Variants in ANKRD44 observed in about 807,000 individuals in gnomAD.
ANKRD44 encodes ankyrin repeat domain 44, also known as serine/threonine-protein phosphatase 6 regulatory ankyrin repeat subunit B.
ANKRD44 carries 35 observed loss-of-function variants against 116.0 expected under a neutral mutation model. The ratio of observed to expected loss-of-function variants is 0.30; its 90% CI spans 0.23 to 0.40. The LOEUF (loss-of-function observed/expected upper bound fraction) is 0.40. Ranked by LOEUF, ANKRD44 falls within the 10% of genes least tolerant of loss-of-function variation. ANKRD44 has a pLI of 1.00. For synonymous variants in ANKRD44, 435 were observed against 461.8 expected, an observed-to-expected ratio of 0.94 and a Z score of 0.74; for missense variants, 1,014 against 1,242.6, an observed-to-expected ratio of 0.82 and a Z score of 2.77.
intron 3 of ANKRD44, among the ~76,000 whole-genome samples, chr2:197,137,197 T>C (rs1196585060): frequency 6.6e-6 from 1 of 152,162 alleles, no homozygotes; most frequent in Non-Finnish European, 1.5e-5. Context: ...TTTAGGGGGT[T>C]CAGGGTTTTG....
chr2:197,246,375 T>TTTTTTTTG (rs1559181807), intron 1 of ANKRD44, among the ~76,000 whole-genome samples: 24 of 141,174 alleles, frequency 1.7e-4, no homozygotes, highest in East Asian at 4.0e-4. Context: ...TTTTTTTTTT[T>TTTTTTTTG]AGAGATGGGG....
At chr2:197,223,418 A>T (rs2081629195) in intron 1 of ANKRD44, among the ~76,000 whole-genome samples, 1 of 152,144 alleles carries the variant, frequency 6.6e-6, no homozygotes, top group Non-Finnish European at 1.5e-5. Context: ...TCTGAAACTC[A>T]CCTTTTCCAT....
At chr2:197,236,405 T>A (rs536369362) in intron 1 of ANKRD44, among the ~76,000 whole-genome samples, 1 of 152,028 alleles carries the variant, frequency 6.6e-6, no homozygotes, top group East Asian at 1.9e-4. Flanking sequence ...AATTAGCAAA[T>A]GGTAGAGCCC....
At chr2:196,986,578 A>G (rs193050754), downstream of ANKRD44, 616 of 422,566 alleles carry the variant, frequency 1.5e-3, no homozygotes, top group Non-Finnish European at 1.8e-3. Flanking sequence ...TTCTAAATTT[A>G]AAGTTAATTT....
At chr2:197,001,431 G>C (rs893979511) in intron 22 of ANKRD44, among the ~76,000 whole-genome samples, 1 of 152,138 alleles carries the variant, frequency 6.6e-6, no homozygotes. Flanking sequence ...TGTTGTCAAC[G>C]CTGACTTATT....
intron 2 of ANKRD44, among the ~76,000 whole-genome samples, chr2:197,169,942 C>T (rs1348437675): frequency 6.6e-6 from 1 of 151,996 alleles, no homozygotes; most frequent in Non-Finnish European, 1.5e-5. Context: ...GTAATCCAAG[C>T]ACTTTGGCAG....
intron 1 of ANKRD44, chr2:197,301,380 T>C (rs1213849336): frequency 2.0e-5 from 3 of 152,156 alleles, no homozygotes; most frequent in African/African-American, 7.2e-5. Flanking sequence ...AGGGACAATA[T>C]TTCCTGTCCC....
At chr2:197,282,232 G>C (rs1291887574) in intron 1 of ANKRD44, among the ~76,000 whole-genome samples, 1 of 152,028 alleles carries the variant, frequency 6.6e-6, no homozygotes, top group East Asian at 1.9e-4. Context: ...CAGCCTGGGT[G>C]ACACAGCAAG....
chr2:197,105,044 T>G (rs908856826), intron 9 of ANKRD44, among the ~76,000 whole-genome samples: 3 of 152,300 alleles, frequency 2.0e-5, no homozygotes, highest in South Asian at 2.1e-4. Context: ...AATGGGAACT[T>G]GAATAGAAAT....
At chr2:197,050,014 T>C (rs1391529126) in intron 16 of ANKRD44, among the ~76,000 whole-genome samples, 1 of 152,162 alleles carries the variant, frequency 6.6e-6, no homozygotes, top group Non-Finnish European at 1.5e-5. Flanking sequence ...TTTAACTGGC[T>C]CGAAGTTCCA....
At position 197,052,658 on chromosome 2, in the gene ANKRD44, G is replaced by A. The variant is rs139060727; in HGVS notation, c.1650+26045C>T. ...TGTATATAGCTCTGCCAAATAATACGGGAAGTAAAGACTGGGGAGAAGGTG... is the reference window on the plus strand; with the variant it reads ...TGTATATAGCTCTGCCAAATAATACAGGAAGTAAAGACTGGGGAGAAGGTG... On this transcript the variant is annotated intron_variant, in intron 16 of 27. Coordinates refer to ENST00000282272, the MANE Select transcript of ANKRD44 (RefSeq NM_001195144.2). Among the ~76,000 whole-genome samples, 26 of 152,126 alleles carry A rather than the reference G, an allele frequency of 1.7e-4. No homozygotes were observed. The East Asian group carries it at 4.5e-3, about 26-fold the overall frequency.
chr2:197,120,527 TG>T (rs1433308991), intron 8 of ANKRD44, among the ~76,000 whole-genome samples: 1 of 152,152 alleles, frequency 6.6e-6, no homozygotes, highest in Non-Finnish European at 1.5e-5. Context: ...GGTGCATGTC[TG>T]TAATCCCAGC....
chr2:197,062,093 A>G (rs572905918), intron 16 of ANKRD44, among the ~76,000 whole-genome samples: 2 of 152,172 alleles, frequency 1.3e-5, no homozygotes, highest in South Asian at 4.1e-4. Context: ...GCCTAATATT[A>G]TTTCTGTGTC....
intron 18 of ANKRD44, among the ~76,000 whole-genome samples, chr2:197,010,243 C>T (rs181637905): frequency 9.2e-5 from 14 of 152,302 alleles, no homozygotes; most frequent in East Asian, 3.9e-4. Flanking sequence ...AACCTCACGC[C>T]GGCTGGGTGT....
intron 1 of ANKRD44, among the ~76,000 whole-genome samples, chr2:197,238,040 T>A (rs955693309): frequency 7.2e-5 from 11 of 152,250 alleles, no homozygotes; most frequent in African/African-American, 1.9e-4. Context: ...CAAGACAGCT[T>A]TCCTGACTAG....
intron 2 of ANKRD44, among the ~76,000 whole-genome samples, chr2:197,175,760 G>T (rs2080350334): frequency 6.6e-6 from 1 of 152,100 alleles, no homozygotes; most frequent in Non-Finnish European, 1.5e-5. Flanking sequence ...AAAAATATTT[G>T]GTGAATGAAT....
intron 27 of ANKRD44, chr2:196,990,376 T>C (rs1307706587): frequency 9.6e-7 from 1 of 1,045,012 alleles, no homozygotes; most frequent in Admixed American, 5.5e-5. Flanking sequence ...CAGCTGCCTC[T>C]CTGCTGCATT....
chr2:197,126,788 G>A (rs2078984272), intron 4 of ANKRD44, among the ~76,000 whole-genome samples: 1 of 147,116 alleles, frequency 6.8e-6, no homozygotes, highest in Non-Finnish European at 1.5e-5. Context: ...AGGTGCAAAA[G>A]TAATTGCATT....
intron 16 of ANKRD44, 184 bp downstream of exon 16, chr2:197,078,519 A>G: frequency 7.0e-7 from 1 of 1,428,128 alleles, no homozygotes; most frequent in Non-Finnish European, 9.3e-7. Flanking sequence ...CTAACCTGCA[A>G]TGGAAGGCAG....
Sources: gnomAD v4.1 joint callset for allele counts (sites outside exome capture counted in the v4.1 genomes callset) on GRCh38, gnomAD v4.1.1 for gene constraint, MANE v1.5 for transcripts, NCBI Gene and HGNC (gene_info 2026-07-23, HGNC 2026-07-21) for gene names.